The following SPOCK1 variants were observed in gnomAD, a reference collection of about 807,000 sequenced individuals.
SPOCK1 encodes SPARC (osteonectin), cwcv and kazal like domains proteoglycan 1.
In SPOCK1, 23 loss-of-function variants were observed where a neutral mutation model predicts 55.3. The ratio of observed to expected loss-of-function variants is 0.42; its 90% CI spans 0.30 to 0.59. The LOEUF (loss-of-function observed/expected upper bound fraction) is 0.59. Among genes scored for constraint, SPOCK1 ranks in the 20% least tolerant of loss-of-function variants. SPOCK1 has a pLI of 0.22. For missense variants in SPOCK1, 499 were observed against 552.5 expected (o/e 0.90, Z 0.97); for synonymous variants, 226 against 221.0 (o/e 1.02, Z -0.20).
intron 4 of SPOCK1, among the ~76,000 whole-genome samples, chr5:137,112,860 A>C (rs1753503273): frequency 6.6e-6 from 1 of 151,676 alleles, no homozygotes; most frequent in African/African-American, 2.4e-5. Context: ...AAGAAAAAAA[A>C]CGGTGAGGGA....
chr5:137,352,655 T>G (rs1580881035), intron 2 of SPOCK1, among the ~76,000 whole-genome samples: 7 of 146,064 alleles, frequency 4.8e-5, no homozygotes, highest in African/African-American at 7.7e-5. Context: ...GAGGGAGGAG[T>G]GGAGGGAGAA....
At chr5:137,008,194 C>T (rs1352434916) in intron 6 of SPOCK1, among the ~76,000 whole-genome samples, 1 of 151,706 alleles carries the variant, frequency 6.6e-6, no homozygotes, top group Non-Finnish European at 1.5e-5. Context: ...ATGTAGACGA[C>T]AGGTTGATGG....
chr5:137,459,077 A>G (rs1020475377), intron 2 of SPOCK1, among the ~76,000 whole-genome samples: 2 of 152,202 alleles, frequency 1.3e-5, no homozygotes, highest in African/African-American at 4.8e-5. Flanking sequence ...CCCAAGTCCA[A>G]TGCCCTATAT....
intron 6 of SPOCK1, among the ~76,000 whole-genome samples, chr5:137,031,179 A>G (rs1031597687): frequency 1.3e-5 from 2 of 152,156 alleles, no homozygotes; most frequent in Non-Finnish European, 2.9e-5. Context: ...TCCCCACATT[A>G]TCCCTGACTT....
At chr5:137,376,538 G>A (rs1751322464) in intron 2 of SPOCK1, among the ~76,000 whole-genome samples, 1 of 152,200 alleles carries the variant, frequency 6.6e-6, no homozygotes, top group East Asian at 1.9e-4. Flanking sequence ...CCAGGGATGG[G>A]GGCAGAGGGG....
At chr5:137,337,182 G>A (rs952153598) in intron 2 of SPOCK1, among the ~76,000 whole-genome samples, 1 of 152,146 alleles carries the variant, frequency 6.6e-6, no homozygotes, top group East Asian at 1.9e-4. Flanking sequence ...ATAAACCAAG[G>A]CAGAAGCAAA....
chr5:137,334,381 A>T (rs977259991), intron 2 of SPOCK1, among the ~76,000 whole-genome samples: 13 of 152,274 alleles, frequency 8.5e-5, no homozygotes, highest in African/African-American at 3.1e-4. Context: ...CATTCCAACA[A>T]GATGTTTGGG....
chr5:137,228,493 T>A (rs1033056492), intron 3 of SPOCK1, among the ~76,000 whole-genome samples: 2 of 151,908 alleles, frequency 1.3e-5, no homozygotes, highest in South Asian at 4.1e-4. Flanking sequence ...ATACAAAAAA[T>A]TTAGCTGGGT....
intron 2 of SPOCK1, among the ~76,000 whole-genome samples, chr5:137,474,055 A>AT (rs1753787877): frequency 6.6e-6 from 1 of 152,218 alleles, no homozygotes; most frequent in South Asian, 2.1e-4. Flanking sequence ...ACACAAAGGC[A>AT]TAAGAATGAT....
chr5:137,211,797 G>A (rs965539163), intron 3 of SPOCK1, among the ~76,000 whole-genome samples: 2 of 152,120 alleles, frequency 1.3e-5, no homozygotes, highest in Non-Finnish European at 2.9e-5. Flanking sequence ...CACAAAAGCA[G>A]GGTTCAGAGA....
intron 2 of SPOCK1, among the ~76,000 whole-genome samples, chr5:137,299,675 A>G (rs1757549553): frequency 6.6e-6 from 1 of 152,116 alleles, no homozygotes. Flanking sequence ...AAGAGTTGAC[A>G]GGTTTTAATG....
At chr5:137,066,682 G>A (rs1752509959) in intron 6 of SPOCK1, among the ~76,000 whole-genome samples, 1 of 152,162 alleles carries the variant, frequency 6.6e-6, no homozygotes, top group Admixed American at 6.6e-5. Flanking sequence ...TAACTGCAAT[G>A]AGATTAGCTT....
At position 137,178,981 on chromosome 5, in the gene SPOCK1, A is replaced by G. The variant is rs142145987; in HGVS notation, c.233-38287T>C. Among the ~76,000 whole-genome samples, 577 of 152,316 alleles carry G rather than the reference A, an allele frequency of 3.8e-3. 4 individuals carry two copies. The highest frequency in any genetic ancestry group is 0.021 in the South Asian group (103 of 4,820). On this transcript the variant is annotated intron_variant, in intron 3 of 10. Transcript: ENST00000394945. ...CAGAAGAGCAGGTACTTGGATAACAATGGTGTGTTGGGTAGGGAATGGTGA... is the reference window on the plus strand; with the variant it reads ...CAGAAGAGCAGGTACTTGGATAACAGTGGTGTGTTGGGTAGGGAATGGTGA...
At chr5:137,452,431 T>C (rs919769064) in intron 2 of SPOCK1, among the ~76,000 whole-genome samples, 1 of 152,222 alleles carries the variant, frequency 6.6e-6, no homozygotes, top group African/African-American at 2.4e-5. Context: ...AATTATTTAG[T>C]TATCTTTTTC....
intron 3 of SPOCK1, among the ~76,000 whole-genome samples, chr5:137,212,207 C>G (rs1402750606): frequency 6.6e-6 from 1 of 152,126 alleles, no homozygotes; most frequent in African/African-American, 2.4e-5. Flanking sequence ...CAGTTAGTGT[C>G]TGCTGGAGAA....
At position 137,167,637 on chromosome 5, in the gene SPOCK1, G is replaced by A. The variant is rs547492563; in HGVS notation, c.233-26943C>T. ...TCAAGCATCTTCTCTGACCACAATG[G>A]AATAAAACTTGAAATTAATAACAAG... On this transcript the variant is annotated intron_variant, in intron 3 of 10. Transcript: ENST00000394945. 4.7e-3 allele frequency among the ~76,000 whole-genome samples: 420 copies of A among 89,958 alleles called. 2 individuals are homozygous for A. The highest frequency in any genetic ancestry group is 0.013 in the African/African-American group (393 of 29,596). 59.0% of individuals were successfully genotyped at this position (89,958 alleles called of 152,430 possible). A position where few individuals can be genotyped will look rare whatever the true frequency, so the allele number is the denominator to read the frequency against.
intron 5 of SPOCK1, among the ~76,000 whole-genome samples, chr5:137,088,862 T>C (rs959725580): frequency 3.3e-5 from 5 of 152,168 alleles, no homozygotes; most frequent in Admixed American, 2.0e-4. Flanking sequence ...TGCAAGATTC[T>C]GAAAAATTTG....
chr5:137,074,582 T>C (rs1446302688), intron 5 of SPOCK1, among the ~76,000 whole-genome samples: 1 of 152,160 alleles, frequency 6.6e-6, no homozygotes, highest in African/African-American at 2.4e-5. Context: ...AGTGACATGA[T>C]TTCAGCTCAC....
At chr5:137,169,753 GT>G (rs1397362303) in intron 3 of SPOCK1, among the ~76,000 whole-genome samples, 9 of 152,182 alleles carry the variant, frequency 5.9e-5, no homozygotes, top group Non-Finnish European at 1.2e-4. Flanking sequence ...AAGATGTGTT[GT>G]TCTCATTTTA....
Sources: gnomAD v4.1 joint callset for allele counts (sites outside exome capture counted in the v4.1 genomes callset) on GRCh38, gnomAD v4.1.1 for gene constraint, MANE v1.5 for transcripts, NCBI Gene and HGNC (gene_info 2026-07-23, HGNC 2026-07-21) for gene names.